Variants in CYS1 observed in about 807,000 individuals in gnomAD.
CYS1 encodes cystin 1.
A neutral mutation model predicts 9.6 loss-of-function variants in CYS1; 5 were observed. That is an observed-to-expected ratio of 0.52 (90% CI 0.27 to 1.10). The LOEUF (loss-of-function observed/expected upper bound fraction) is 1.10, where lower values mean the gene tolerates loss of function less well. Among genes scored for constraint, CYS1 ranks in the 50% least tolerant of loss-of-function variants. CYS1 has a pLI of 0.11. For missense variants in CYS1, 221 were observed against 207.9 expected, an observed-to-expected ratio of 1.06 and a Z score of -0.39; for synonymous variants, 88 against 95.7, an observed-to-expected ratio of 0.92 and a Z score of 0.47.
chr2:10,066,776 C>T (rs1291105936), intron 1 of CYS1, among the ~76,000 whole-genome samples: 1 of 152,184 alleles, frequency 6.6e-6, no homozygotes, highest in Non-Finnish European at 1.5e-5. Context: ...GTTGAATCAT[C>T]AAAATCAGGG....
intron 2 of CYS1, among the ~76,000 whole-genome samples, chr2:10,061,510 G>A (rs979826149): frequency 1.3e-5 from 2 of 152,250 alleles, no homozygotes; most frequent in African/African-American, 4.8e-5. Context: ...GGGCTCACCA[G>A]GCAGCCCCCT....
chr2:10,065,584 C>T (rs1294338044), intron 2 of CYS1, among the ~76,000 whole-genome samples: 2 of 152,220 alleles, frequency 1.3e-5, no homozygotes, highest in Non-Finnish European at 2.9e-5. Flanking sequence ...TAGATCTGGC[C>T]ACAGCGCACA....
intron 1 of CYS1, among the ~76,000 whole-genome samples, chr2:10,075,188 C>T (rs1327550996): frequency 1.3e-5 from 2 of 152,156 alleles, no homozygotes; most frequent in Non-Finnish European, 2.9e-5. Flanking sequence ...AAGCTCCACC[C>T]TTTGTCAACC....
At chr2:10,077,628 C>A (rs1661868502) in intron 1 of CYS1, among the ~76,000 whole-genome samples, 1 of 152,242 alleles carries the variant, frequency 6.6e-6, no homozygotes, top group East Asian at 1.9e-4. Context: ...AGTTCAAGAC[C>A]AGCCTGGCCA....
rs867185221 is a variant in CYS1 at position 10,058,899 on chromosome 2, G to A, written c.431C>T (p.Ser144Leu). Residue 144 changes from serine (S) to leucine (L), a missense_variant, in exon 3 of 3, where the codon TCG becomes TTG. Coordinates refer to ENST00000381813, the MANE Select transcript of CYS1 (RefSeq NM_001037160.3). ...GATGCTCGCCATCAGCCCCTCTTCCGAGTGGTCGTAGGAGATGGCTGCCGG... is the reference window on the plus strand; with the variant it reads ...GATGCTCGCCATCAGCCCCTCTTCCAAGTGGTCGTAGGAGATGGCTGCCGG... Reference protein sequence around the residue: ...ERPAAISYDHSEEGLMASIER... With the variant: ...ERPAAISYDHLEEGLMASIER... 6.3e-7 allele frequency: 1 copy of A among 1,595,766 alleles called. No individual in the cohort carries two copies.
chr2:10,068,515 T>A (rs1364666379), intron 1 of CYS1, among the ~76,000 whole-genome samples: 4 of 152,202 alleles, frequency 2.6e-5, no homozygotes, highest in Admixed American at 6.5e-5. Flanking sequence ...TCAAATTAAA[T>A]CTATACTTTC....
rs1035041459 is a variant in CYS1, at chr2:10,077,037, C to T, written c.318+2869G>A. 5.9e-5 allele frequency among the ~76,000 whole-genome samples: 9 copies of T among 152,158 alleles called. No homozygotes were observed. The South Asian group carries it at 8.3e-4, about 14-fold the overall frequency. On this transcript the variant is annotated intron_variant, in intron 1 of 2. Coordinates refer to ENST00000381813, the MANE Select transcript of CYS1 (RefSeq NM_001037160.3). ...CTTCCACATTTTCTGTGTCTGTTCA[C>T]GGCAGCTACATCCCTCCAGCTGCTC...
intron 2 of CYS1, among the ~76,000 whole-genome samples, chr2:10,064,252 A>G (rs1429903194): frequency 1.3e-5 from 2 of 152,176 alleles, no homozygotes; most frequent in African/African-American, 4.8e-5. Context: ...ATAAAAATAA[A>G]TAAATAAATA....
chr2:10,063,219 C>A lies in CYS1; in HGVS notation c.371+2685G>T, dbSNP rs1661651589. Among the ~76,000 whole-genome samples, 1 of 152,208 alleles carries A rather than the reference C, an allele frequency of 6.6e-6. No individual in the cohort carries two copies. The highest frequency in any genetic ancestry group is 1.5e-5 in the Non-Finnish European group (1 of 68,042). Reference sequence around the variant, plus strand: ...GGCCCAGAGGCGAATCTGATTCCTTCTGTGATGAGGCCTGGAGAGAAGAGA... The same window carrying A: ...GGCCCAGAGGCGAATCTGATTCCTTATGTGATGAGGCCTGGAGAGAAGAGA... On this transcript the variant is annotated intron_variant, in intron 2 of 2. Transcript: ENST00000381813. This position sits in a 1 kb window ranked among gnomAD's most constrained non-coding sequence, Gnocchi z 4.2.
intron 1 of CYS1, among the ~76,000 whole-genome samples, chr2:10,077,685 C>T (rs1446004013): frequency 1.3e-5 from 2 of 151,838 alleles, no homozygotes; most frequent in African/African-American, 2.4e-5. Context: ...ATTAGCTGGC[C>T]GTGGTGGCGC....
At position 10,058,760 on chromosome 2, in the gene CYS1, G is replaced by T; in HGVS notation, c.*93C>A. On this transcript the variant is annotated 3_prime_UTR_variant, in exon 3 of 3. Transcript: ENST00000381813. ...TATCCGGGAGTGACTGCGTTTTGGA[G>T]GTGGTTCAGCTCCTGCTAGAGCTCT... 1 of 1,098,968 alleles carries T rather than the reference G, an allele frequency of 9.1e-7. No homozygotes were observed. Among genetic ancestry groups the T allele is most frequent in the Non-Finnish European group, 1.3e-6 (1 of 775,884 alleles). The allele number at this position is 1,098,968 out of a possible 1,614,324, so 68.1% of individuals were successfully genotyped here. A position where few individuals can be genotyped will look rare whatever the true frequency, so the allele number is the denominator to read the frequency against.
At chr2:10,060,002 T>C (rs1661605012) in intron 2 of CYS1, among the ~76,000 whole-genome samples, 1 of 152,280 alleles carries the variant, frequency 6.6e-6, no homozygotes, top group Non-Finnish European at 1.5e-5. Context: ...CCCCCGGACC[T>C]GCCACGGTTG....
intron 2 of CYS1, among the ~76,000 whole-genome samples, chr2:10,064,943 T>C (rs1661676022): frequency 6.6e-6 from 1 of 151,306 alleles, no homozygotes; most frequent in Non-Finnish European, 1.5e-5. Context: ...GGTTTCACCA[T>C]GTTGGCCAGG....
intron 2 of CYS1, among the ~76,000 whole-genome samples, chr2:10,061,188 C>T (rs1323425631): frequency 6.6e-6 from 1 of 152,182 alleles, no homozygotes; most frequent in Non-Finnish European, 1.5e-5. Flanking sequence ...GCTGAAATTG[C>T]ACCACTGCAC....
chr2:10,078,813 T>TA (rs1247482833), intron 1 of CYS1, among the ~76,000 whole-genome samples: 2 of 152,152 alleles, frequency 1.3e-5, no homozygotes, highest in African/African-American at 2.4e-5. Context: ...GAAAATGACT[T>TA]AAAGAGCGAG....
rs868178883 is a variant in CYS1, at chr2:10,080,355, C to T, written c.-132G>A. ...CGGGGCGAGGTCCGGGAAGCGACCG[C>T]GGCCAGGGGCTAGGGTTCCCGGGCG... On this transcript the variant is annotated 5_prime_UTR_variant, in exon 1 of 3. Transcript: ENST00000381813. This position sits in a 1 kb window ranked among gnomAD's most constrained non-coding sequence, Gnocchi z 6.4. The T allele has an allele frequency of 4.5e-6, 2 of 444,546 alleles. No individual in the cohort carries two copies. The highest frequency in any genetic ancestry group is 6.0e-6 in the Non-Finnish European group (2 of 333,906). 27.5% of individuals were successfully genotyped at this position (444,546 alleles called of 1,614,324 possible). A position where few individuals can be genotyped will look rare whatever the true frequency, so the allele number is the denominator to read the frequency against.
chr2:10,069,497 T>G (rs1160624597), intron 1 of CYS1, among the ~76,000 whole-genome samples: 1 of 151,776 alleles, frequency 6.6e-6, no homozygotes. Flanking sequence ...GACTCCCGAG[T>G]AGCTGGGACC....
At position 10,063,121 on chromosome 2, in the gene CYS1, C is replaced by T. The variant is rs750516467; in HGVS notation, c.371+2783G>A. 4.1e-4 allele frequency among the ~76,000 whole-genome samples: 63 copies of T among 152,242 alleles called. No homozygotes were observed. Among genetic ancestry groups the T allele is most frequent in the South Asian group, 1.7e-3 (8 of 4,830 alleles). On this transcript the variant is annotated intron_variant, in intron 2 of 2. Coordinates refer to ENST00000381813, the MANE Select transcript of CYS1 (RefSeq NM_001037160.3). This position sits in a 1 kb window ranked among gnomAD's most constrained non-coding sequence, Gnocchi z 4.2. The stretch of plus-strand genomic sequence containing the variant: ...GTCAGGACTGGGGTCAAGGCCCACA[C>T]GCCCCAGGCTGACATTAAACAATCC...
Position 10,058,962 on chromosome 2 carries a change from T to C in CYS1, c.372-4A>G, listed in dbSNP as rs995219684. ...CTTGCGACCGCTGCCTGGGGCTCTG[T>C]GGGTCAGAAATGGGACAGGGCTGTC... On this transcript the variant is annotated splice_region_variant and splice_polypyrimidine_tract_variant and intron_variant, in intron 2 of 2. Coordinates refer to ENST00000381813, the MANE Select transcript of CYS1 (RefSeq NM_001037160.3). The C allele has an allele frequency of 8.2e-6, 13 of 1,576,958 alleles. No individual in the cohort carries two copies. The African/African-American group carries it at 1.6e-4, about 20-fold the overall frequency.
Sources: allele counts gnomAD v4.1 joint callset (sites outside exome capture counted in the v4.1 genomes callset), GRCh38; gene constraint gnomAD v4.1.1; non-coding constraint Gnocchi (gnomAD v3.1); transcripts MANE v1.5; gene names NCBI Gene and HGNC (gene_info 2026-07-23, HGNC 2026-07-21).